UNC13B: variants seen among roughly 807,000 people sequenced by gnomAD.
UNC13B encodes protein unc-13 homolog B.
UNC13B carries 144 observed loss-of-function variants against 211.0 expected under a neutral mutation model. The ratio of observed to expected loss-of-function variants is 0.68; its 90% CI spans 0.60 to 0.78. The LOEUF (loss-of-function observed/expected upper bound fraction) is 0.78. UNC13B is among the 30% of genes least tolerant of loss of function. The pLI is 0.00. For synonymous variants in UNC13B, 709 were observed against 725.8 expected (o/e 0.98, Z 0.37); for missense variants, 1,777 against 2,002.0 (o/e 0.89, Z 2.14).
intron 10 of UNC13B, among the ~76,000 whole-genome samples, chr9:35,312,880 C>G (rs1830249133): frequency 6.6e-6 from 1 of 152,180 alleles, no homozygotes; most frequent in African/African-American, 2.4e-5. Flanking sequence ...AGAAGCAGCT[C>G]AAGGAACCAG....
chr9:35,193,830 C>T (rs1418655393), intron 1 of UNC13B, among the ~76,000 whole-genome samples: 2 of 152,004 alleles, frequency 1.3e-5, no homozygotes, highest in African/African-American at 2.4e-5. Context: ...TAGAGAGGCT[C>T]AAAAAGGGAA....
At chr9:35,250,184 A>G (rs1434759879) in intron 6 of UNC13B, among the ~76,000 whole-genome samples, 3 of 152,186 alleles carry the variant, frequency 2.0e-5, no homozygotes, top group Middle Eastern at 3.2e-3. Flanking sequence ...TATAATTTAT[A>G]TATACCATAC....
chr9:35,278,070 TGAGGAGAGGATTACAAAGATGCAGGAC>T (rs1828279029), intron 7 of UNC13B, among the ~76,000 whole-genome samples: 1 of 152,270 alleles, frequency 6.6e-6, no homozygotes, highest in East Asian at 1.9e-4. Flanking sequence ...ATGAAAAGAA[TGAGGAGAGGATTACAAAGATGCAGGAC>T]ACACTGGCTT....
At chr9:35,369,232 T>A (rs1833965975) in intron 12 of UNC13B, among the ~76,000 whole-genome samples, 1 of 152,180 alleles carries the variant, frequency 6.6e-6, no homozygotes, top group African/African-American at 2.4e-5. Context: ...CTTTTTCTGT[T>A]GGGATATTTC....
chr9:35,308,613 A>G (rs577635178), intron 9 of UNC13B, among the ~76,000 whole-genome samples: 3 of 152,270 alleles, frequency 2.0e-5, no homozygotes, highest in Non-Finnish European at 4.4e-5. Context: ...CTCTCTGCCA[A>G]ATGTAATTCA....
At chr9:35,360,758 CCT>C (rs1411890690) in intron 11 of UNC13B, 3 of 152,190 alleles carry the variant, frequency 2.0e-5, no homozygotes, top group Non-Finnish European at 4.4e-5. Flanking sequence ...CTCAATGGAT[CCT>C]CCCACCCCAG....
At chr9:35,227,197 G>T (rs1361899460) in intron 1 of UNC13B, among the ~76,000 whole-genome samples, 1 of 152,218 alleles carries the variant, frequency 6.6e-6, no homozygotes, top group Non-Finnish European at 1.5e-5. Flanking sequence ...GAGAGGACGT[G>T]TGAAAGGTAC....
chr9:35,384,444 G>A (rs1283691698), intron 22 of UNC13B, 130 bp downstream of exon 22: 2 of 1,444,906 alleles, frequency 1.4e-6, no homozygotes, highest in Non-Finnish European at 1.8e-6. Flanking sequence ...CCACCCAAAT[G>A]GCCAATGCTA....
intron 1 of UNC13B, among the ~76,000 whole-genome samples, chr9:35,185,551 A>G (rs1822309698): frequency 6.6e-6 from 1 of 152,134 alleles, no homozygotes; most frequent in Non-Finnish European, 1.5e-5. Context: ...CCCGAGCTTC[A>G]CTCTGGGCTC....
chr9:35,210,292 T>C (rs1823897323), intron 1 of UNC13B, among the ~76,000 whole-genome samples: 1 of 152,212 alleles, frequency 6.6e-6, no homozygotes, highest in South Asian at 2.1e-4. Context: ...TATTTAAATG[T>C]AAATTTGTTA....
At chr9:35,387,948 C>G (rs1043741122) in intron 24 of UNC13B, among the ~76,000 whole-genome samples, 1 of 151,944 alleles carries the variant, frequency 6.6e-6, no homozygotes, top group African/African-American at 2.4e-5. Context: ...TGTGGGAGCC[C>G]AGACCAAGGA....
intron 11 of UNC13B, among the ~76,000 whole-genome samples, chr9:35,325,305 G>A (rs1433523880): frequency 6.6e-6 from 1 of 152,072 alleles, no homozygotes; most frequent in African/African-American, 2.4e-5. Flanking sequence ...GAAAAGGAGA[G>A]GTCCATACCC....
chr9:35,323,186 A>G (rs958341365), intron 11 of UNC13B, among the ~76,000 whole-genome samples: 1 of 151,240 alleles, frequency 6.6e-6, no homozygotes, highest in Non-Finnish European at 1.5e-5. Context: ...ACATTGTCCT[A>G]CACCTTGCTT....
chr9:35,206,226 A>T (rs1354253254), intron 1 of UNC13B, among the ~76,000 whole-genome samples: 1 of 152,118 alleles, frequency 6.6e-6, no homozygotes, highest in East Asian at 1.9e-4. Flanking sequence ...TTAAAAATTG[A>T]GGTGATAGTC....
intron 25 of UNC13B, 148 bp downstream of exon 25, chr9:35,390,121 G>A: frequency 4.9e-6 from 7 of 1,437,344 alleles, no homozygotes; most frequent in Non-Finnish European, 6.6e-6. Flanking sequence ...TATCTGTCTG[G>A]GTAACTGTTT....
intron 1 of UNC13B, among the ~76,000 whole-genome samples, chr9:35,172,903 A>C (rs1821409654): frequency 6.6e-6 from 1 of 152,184 alleles, no homozygotes; most frequent in Non-Finnish European, 1.5e-5. Flanking sequence ...ATTAGGAAAT[A>C]TAGGTTTCCA....
At chr9:35,223,040 A>G (rs779154987) in intron 1 of UNC13B, among the ~76,000 whole-genome samples, 12 of 152,136 alleles carry the variant, frequency 7.9e-5, no homozygotes, top group Non-Finnish European at 1.6e-4. Context: ...CATTCTTTTT[A>G]TGGCTGAATA....
intron 11 of UNC13B, among the ~76,000 whole-genome samples, chr9:35,339,170 T>C (rs1831837683): frequency 6.6e-6 from 1 of 152,218 alleles, no homozygotes; most frequent in African/African-American, 2.4e-5. Context: ...GAATGTCTGT[T>C]CAGAGCATTT....
intron 11 of UNC13B, among the ~76,000 whole-genome samples, chr9:35,315,515 A>ATTG (rs1830405264): frequency 1.3e-5 from 2 of 152,170 alleles, no homozygotes; most frequent in South Asian, 4.1e-4. Flanking sequence ...TCTTTTTCTG[A>ATTG]ATCATTTGAG....
Sources: gnomAD v4.1 joint callset for allele counts (sites outside exome capture counted in the v4.1 genomes callset) on GRCh38, gnomAD v4.1.1 for gene constraint, MANE v1.5 for transcripts, NCBI Gene and HGNC (gene_info 2026-07-23, HGNC 2026-07-21) for gene names.